Variants in BACH2 observed in about 807,000 individuals in gnomAD.
BACH2 encodes the protein transcription regulator protein BACH2.
Under a neutral mutation model 61.8 loss-of-function variants are expected in BACH2, and 5 were observed. The observed-to-expected ratio is 0.08, with a 90% CI of 0.04 to 0.17. BACH2 has a LOEUF of 0.17. Ranked by LOEUF, BACH2 falls within the 10% of genes least tolerant of loss-of-function variation. The pLI is 1.00. For missense variants in BACH2, 824 were observed against 1,091.1 expected, an observed-to-expected ratio of 0.76 and a Z score of 3.45; for synonymous variants, 446 against 440.1, an observed-to-expected ratio of 1.01 and a Z score of -0.17.
At chr6:90,268,555 T>C (rs1008783413) in intron 2 of BACH2, among the ~76,000 whole-genome samples, 1 of 152,198 alleles carries the variant, frequency 6.6e-6, no homozygotes, top group African/African-American at 2.4e-5. Flanking sequence ...CTGTTGACTA[T>C]AAGAATAATA....
chr6:90,272,970 G>A (rs1158737331), intron 1 of BACH2, among the ~76,000 whole-genome samples: 2 of 152,156 alleles, frequency 1.3e-5, no homozygotes, highest in Non-Finnish European at 2.9e-5. Context: ...GAGAAAACAA[G>A]ACAGCAGAGT....
At chr6:90,066,069 C>T (rs939351013) in intron 5 of BACH2, among the ~76,000 whole-genome samples, 2 of 152,134 alleles carry the variant, frequency 1.3e-5, no homozygotes, top group Non-Finnish European at 2.9e-5. Context: ...CTATGTACCC[C>T]AGCAGACTGG....
intron 3 of BACH2, among the ~76,000 whole-genome samples, chr6:90,207,236 A>T (rs771993852): frequency 1.6e-4 from 25 of 151,892 alleles, no homozygotes; most frequent in Non-Finnish European, 3.5e-4. Flanking sequence ...CTCCCACCTC[A>T]GCCTCCCAAG....
chr6:90,056,520 A>G (rs1780361743), intron 5 of BACH2, among the ~76,000 whole-genome samples: 1 of 152,040 alleles, frequency 6.6e-6, no homozygotes, highest in Admixed American at 6.6e-5. Context: ...CACAATAATA[A>G]TGGGAGACTT....
At chr6:90,200,863 GA>G in intron 4 of BACH2, among the ~76,000 whole-genome samples, 1 of 152,030 alleles carries the variant, frequency 6.6e-6, no homozygotes, top group African/African-American at 2.4e-5. Flanking sequence ...TTTTTAGTAT[GA>G]AAGAAATGCA....
At position 90,084,605 on chromosome 6, in the gene BACH2, G is replaced by A. The variant is rs538089660; in HGVS notation, c.-13+4356C>T. Among the ~76,000 whole-genome samples, 10 of 140,070 alleles carry A rather than the reference G, an allele frequency of 7.1e-5. No homozygotes were observed. The Admixed American group carries it at 7.2e-4, about 10-fold the overall frequency. 91.9% of individuals were successfully genotyped at this position (140,070 alleles called of 152,430 possible). A position where few individuals can be genotyped will look rare whatever the true frequency, so the allele number is the denominator to read the frequency against. ...CTGACTCAGAAACCTCTTTTCCTTT[G>A]CCCTGTTTTCCAATACCTAAGTGAA... On this transcript the variant is annotated intron_variant, in intron 5 of 8. Coordinates refer to ENST00000257749, the MANE Select transcript of BACH2 (RefSeq NM_021813.4).
At chr6:89,953,381 C>A (rs555145166) in intron 6 of BACH2, among the ~76,000 whole-genome samples, 2 of 152,062 alleles carry the variant, frequency 1.3e-5, no homozygotes, top group Non-Finnish European at 2.9e-5. Flanking sequence ...TGTAACTGAA[C>A]GGGATTTTAA....
At chr6:89,983,018 C>T (rs1776042748) in intron 6 of BACH2, among the ~76,000 whole-genome samples, 1 of 152,200 alleles carries the variant, frequency 6.6e-6, no homozygotes, top group Admixed American at 6.5e-5. Flanking sequence ...CAGGACAGAC[C>T]CTGGCCTTGC....
At chr6:90,045,122 G>C (rs1779717576) in intron 5 of BACH2, among the ~76,000 whole-genome samples, 1 of 152,172 alleles carries the variant, frequency 6.6e-6, no homozygotes. Flanking sequence ...ACAGAGACTG[G>C]ACAAATAGAT....
chr6:89,931,590 GAAAACAAAAACA>G lies in BACH2; in HGVS notation c.*806_*817del, dbSNP rs555343055. 2.0e-5 allele frequency: 3 copies of G among 152,214 alleles called. No homozygotes were observed. Among genetic ancestry groups the G allele is most frequent in the Non-Finnish European group, 4.4e-5 (3 of 67,984 alleles). 9.4% of individuals were successfully genotyped at this position (152,214 alleles called of 1,614,324 possible). On this transcript the variant is annotated 3_prime_UTR_variant, in exon 9 of 9. Transcript: ENST00000257749. ...ACCATTACTGTACAGTATCTGCAAG[GAAAACAAAAACA>G]AAAACAAAAACAAACAAAACCCCCC...
At chr6:90,284,655 A>G (rs1271468138) in intron 1 of BACH2, among the ~76,000 whole-genome samples, 1 of 152,206 alleles carries the variant, frequency 6.6e-6, no homozygotes, top group Non-Finnish European at 1.5e-5. Context: ...ATGAAACTAA[A>G]AACAGTAAGA....
chr6:90,141,190 C>G (rs989195146), intron 4 of BACH2, among the ~76,000 whole-genome samples: 8 of 151,980 alleles, frequency 5.3e-5, no homozygotes, highest in Non-Finnish European at 7.4e-5. Flanking sequence ...CCAACTGCTC[C>G]CCCACCCAGG....
chr6:90,016,133 TA>T (rs1344593944), intron 5 of BACH2, among the ~76,000 whole-genome samples: 1 of 152,186 alleles, frequency 6.6e-6, no homozygotes, highest in Non-Finnish European at 1.5e-5. Context: ...CTTATTCTTT[TA>T]ACCTTTTTGT....
At chr6:90,065,009 C>T (rs1363202946) in intron 5 of BACH2, among the ~76,000 whole-genome samples, 1 of 151,920 alleles carries the variant, frequency 6.6e-6, no homozygotes, top group African/African-American at 2.4e-5. Flanking sequence ...CAAATGGCTG[C>T]AAGAATTCCT....
chr6:90,153,409 G>A (rs564986361), intron 4 of BACH2, among the ~76,000 whole-genome samples: 25 of 152,132 alleles, frequency 1.6e-4, no homozygotes, highest in African/African-American at 5.8e-4. Context: ...AGACCTTGTT[G>A]GGTAAGTTAT....
intron 7 of BACH2, among the ~76,000 whole-genome samples, chr6:89,938,731 A>T (rs570660469): frequency 6.6e-6 from 1 of 152,344 alleles, no homozygotes; most frequent in East Asian, 1.9e-4. Context: ...GAGATACCAC[A>T]TAAGGACATA....
intron 5 of BACH2, among the ~76,000 whole-genome samples, chr6:90,040,167 A>C (rs1779465583): frequency 6.6e-6 from 1 of 152,034 alleles, no homozygotes; most frequent in South Asian, 2.1e-4. Context: ...CCAACTTATA[A>C]ACAATTTTCT....
intron 1 of BACH2, among the ~76,000 whole-genome samples, chr6:90,277,292 T>C (rs1378823212): frequency 6.6e-6 from 1 of 152,194 alleles, no homozygotes; most frequent in Non-Finnish European, 1.5e-5. Flanking sequence ...TAATACTATA[T>C]AGCATGGAGA....
At chr6:89,944,710 G>A (rs1327203561) in intron 7 of BACH2, among the ~76,000 whole-genome samples, 2 of 143,732 alleles carry the variant, frequency 1.4e-5, no homozygotes, top group Non-Finnish European at 3.0e-5. Flanking sequence ...CCCCCTGCCT[G>A]CCCCCAACAC....
Sources: gnomAD v4.1 joint callset for allele counts (sites outside exome capture counted in the v4.1 genomes callset) on GRCh38, gnomAD v4.1.1 for gene constraint, MANE v1.5 for transcripts, NCBI Gene and HGNC (gene_info 2026-07-23, HGNC 2026-07-21) for gene names.